Variants in UBE3B observed in about 807,000 individuals in gnomAD.
The protein encoded by UBE3B is ubiquitin-protein ligase E3B.
Under a neutral mutation model 132.3 loss-of-function variants are expected in UBE3B, and 80 were observed. The observed-to-expected ratio is 0.60, with a 90% CI of 0.50 to 0.73. The LOEUF (loss-of-function observed/expected upper bound fraction) is 0.73, where lower values mean the gene tolerates loss of function less well. Among genes scored for constraint, UBE3B ranks in the 30% least tolerant of loss-of-function variants. UBE3B has a pLI of 0.00. For missense variants in UBE3B, 1,196 were observed against 1,362.5 expected, an observed-to-expected ratio of 0.88 and a Z score of 1.92; for synonymous variants, 487 against 520.4, an observed-to-expected ratio of 0.94 and a Z score of 0.87.
intron 10 of UBE3B, 34 bp downstream of exon 10, chr12:109,497,957 C>T: frequency 6.2e-7 from 1 of 1,601,594 alleles, no homozygotes; most frequent in Non-Finnish European, 8.6e-7. Flanking sequence ...CGTGAAAACC[C>T]AATTGTGTTT....
At chr12:109,501,895 C>G (rs1310588246) in intron 13 of UBE3B, among the ~76,000 whole-genome samples, 2 of 151,698 alleles carry the variant, frequency 1.3e-5, no homozygotes, top group Non-Finnish European at 2.9e-5. Flanking sequence ...AATTCCTGAC[C>G]TCAAGTGATC....
intron 19 of UBE3B, chr12:109,520,476 A>T (rs1881567277): frequency 6.6e-6 from 1 of 152,522 alleles, no homozygotes; most frequent in Non-Finnish European, 1.5e-5. Context: ...ACCACCAGCC[A>T]GAAGTCCAGG....
At chr12:109,490,083 C>A in intron 8 of UBE3B, 79 bp downstream of exon 8, 2 of 1,379,966 alleles carry the variant, frequency 1.4e-6, no homozygotes, top group Non-Finnish European at 2.1e-6. Context: ...TTGCATTCAG[C>A]ATACCTGGTG....
At chr12:109,486,092 G>A in intron 5 of UBE3B, 21 bp downstream of exon 5, 1 of 1,556,498 alleles carries the variant, frequency 6.4e-7, no homozygotes. Context: ...GGGAGCCGCA[G>A]TGTCTCCCAC....
At position 109,516,902 on chromosome 12, in the gene UBE3B, G is replaced by C. The variant is rs757404245; in HGVS notation, c.2076+18G>C. 4.3e-6 allele frequency: 7 copies of C among 1,610,954 alleles called. No individual in the cohort carries two copies. In the Admixed American group the frequency reaches 1.0e-4, roughly 23 times the overall value. ...TGCTGGAGGTGAGTGTGAAGCCTAT[G>C]GAATCCTACCACAAGGAAGTGGGCC... On this transcript the variant is annotated intron_variant, in intron 19 of 27. Transcript: ENST00000342494.
At chr12:109,490,161 T>A in intron 8 of UBE3B, 157 bp downstream of exon 8, 1 of 883,100 alleles carries the variant, frequency 1.1e-6, no homozygotes, top group Non-Finnish European at 1.8e-6. Context: ...TTCCCCTGCC[T>A]TGTCTCACTT....
chr12:109,501,821 A>AT (rs3214386), intron 13 of UBE3B, among the ~76,000 whole-genome samples: 85 of 146,300 alleles, frequency 5.8e-4, no homozygotes, highest in African/African-American at 1.3e-3. Context: ...TGCCTGGCTA[A>AT]TTTTTTTTTT....
In UBE3B at chr12:109,480,191, T is replaced by G. The variant is rs1053991145; in HGVS notation, c.-127-1446T>G. Among the ~76,000 whole-genome samples, 10 of 147,064 alleles carry G rather than the reference T, an allele frequency of 6.8e-5. No homozygotes were observed. The East Asian group carries it at 2.0e-3, about 29-fold the overall frequency. On this transcript the variant is annotated intron_variant, in intron 1 of 27. Transcript: ENST00000342494. Reference sequence around the variant, plus strand: ...CAGGTGGGAGCCTCTGCTGAAGAGTTTTTTTTTTTTTTTAATCCTTGTGTC... The same window carrying G: ...CAGGTGGGAGCCTCTGCTGAAGAGTGTTTTTTTTTTTTTAATCCTTGTGTC...
At chr12:109,524,186 G>A (rs998301566) in intron 22 of UBE3B, 71 bp downstream of exon 22, 79 of 1,592,944 alleles carry the variant, frequency 5.0e-5, no homozygotes, top group Non-Finnish European at 6.4e-5. Flanking sequence ...GTCCCAGAAG[G>A]AGATGGCCTG....
At chr12:109,490,581 A>C in intron 8 of UBE3B, 1 of 1,536,038 alleles carries the variant, frequency 6.5e-7, no homozygotes, top group South Asian at 1.2e-5. Flanking sequence ...TATGACTGGC[A>C]GTTGTCTCGC....
intron 26 of UBE3B, 118 bp from the exon 27 acceptor site, chr12:109,533,348 T>C (rs532465919): frequency 1.0e-6 from 1 of 953,944 alleles, no homozygotes; most frequent in Non-Finnish European, 1.7e-6. Context: ...TACGGCTGGC[T>C]AGACAGCAGT....
At chr12:109,510,202 CT>C in intron 16 of UBE3B, 141 bp from the exon 17 acceptor site, 1 of 685,280 alleles carries the variant, frequency 1.5e-6, no homozygotes, top group Non-Finnish European at 2.4e-6. Context: ...CCCAGGGTGC[CT>C]TTTAATTCTG....
intron 19 of UBE3B, chr12:109,520,801 T>TGA (rs895264519): frequency 2.1e-5 from 4 of 192,626 alleles, no homozygotes; most frequent in South Asian, 1.7e-4. Flanking sequence ...CTCTTAGCAT[T>TGA]GAGAGAGAGA....
downstream of UBE3B, among the ~76,000 whole-genome samples, chr12:109,538,784 A>G (rs1443655176): frequency 1.3e-5 from 2 of 152,148 alleles, no homozygotes; most frequent in African/African-American, 4.8e-5. This position sits in a 1 kb window ranked among gnomAD's most constrained non-coding sequence, Gnocchi z 4.1. Context: ...CCTCATCCAC[A>G]CTGCCGCCTC....
intron 18 of UBE3B, among the ~76,000 whole-genome samples, chr12:109,513,182 T>C (rs572198132): frequency 3.6e-4 from 55 of 152,288 alleles, no homozygotes; most frequent in Non-Finnish European, 4.6e-4. Context: ...TGGTTTAAAA[T>C]GCAGCCCCTC....
At chr12:109,493,564 G>C (rs1269309977) in intron 9 of UBE3B, among the ~76,000 whole-genome samples, 2 of 152,102 alleles carry the variant, frequency 1.3e-5, no homozygotes, top group African/African-American at 4.8e-5. Flanking sequence ...TTAAGGCCAG[G>C]CTACTCTAAA....
At chr12:109,494,967 G>A (rs764517825) in intron 9 of UBE3B, among the ~76,000 whole-genome samples, 11 of 152,186 alleles carry the variant, frequency 7.2e-5, no homozygotes, top group South Asian at 6.2e-4. Context: ...TTGCAAATGC[G>A]AAGTGACTGG....
intron 18 of UBE3B, among the ~76,000 whole-genome samples, 169 bp from the exon 19 acceptor site, chr12:109,516,596 A>G (rs925467408): frequency 6.6e-6 from 1 of 152,150 alleles, no homozygotes; most frequent in South Asian, 2.1e-4. Context: ...CAAGTGTTCC[A>G]GGGAATGCTT....
chr12:109,520,723 TAC>T (rs1881601704), intron 19 of UBE3B: 1 of 154,616 alleles, frequency 6.5e-6, no homozygotes, highest in Non-Finnish European at 1.4e-5. Flanking sequence ...CTTTTCATTT[TAC>T]AGTGTTCTGT....
Sources: gnomAD v4.1 joint callset for allele counts (sites outside exome capture counted in the v4.1 genomes callset) on GRCh38, gnomAD v4.1.1 for gene constraint, Gnocchi (gnomAD v3.1) non-coding constraint, MANE v1.5 for transcripts, NCBI Gene and HGNC (gene_info 2026-07-23, HGNC 2026-07-21) for gene names.